C9orf85: variants seen among roughly 807,000 people sequenced by gnomAD.
C9orf85 encodes uncharacterized protein C9orf85.
In C9orf85, 16 loss-of-function variants were observed where a neutral mutation model predicts 14.9. That is an observed-to-expected ratio of 1.08 (90% CI 0.73 to 1.63). C9orf85 has a LOEUF of 1.63. Among genes scored for constraint, C9orf85 ranks in the 40% most tolerant of loss-of-function variants. The pLI is 0.00. For missense variants in C9orf85, 172 were observed against 186.1 expected, an observed-to-expected ratio of 0.92 and a Z score of 0.44; for synonymous variants, 45 against 56.8, an observed-to-expected ratio of 0.79 and a Z score of 0.93.
chr9:71,977,603 T>A (rs1823029166), downstream of C9orf85, among the ~76,000 whole-genome samples: 1 of 152,224 alleles, frequency 6.6e-6, no homozygotes, highest in Non-Finnish European at 1.5e-5. Context: ...TCCATGATCC[T>A]AAACTTTTTT....
downstream of C9orf85, among the ~76,000 whole-genome samples, chr9:71,975,590 T>C (rs1822984653): frequency 6.6e-6 from 1 of 152,232 alleles, no homozygotes; most frequent in Non-Finnish European, 1.5e-5. Flanking sequence ...CCTAGCACTT[T>C]TGGAGGCCAA....
chr9:71,944,134 C>T lies in C9orf85; in HGVS notation c.103-2872C>T, dbSNP rs560090454. Among the ~76,000 whole-genome samples, 5 of 150,882 alleles carry T rather than the reference C, an allele frequency of 3.3e-5. No individual in the cohort carries two copies. The South Asian group carries it at 8.4e-4, about 25-fold the overall frequency. ...CTGTAATCCCAGCTGCTCAGGAGGC[C>T]GAGACAGGAGGATTGCATGAACCCA... On this transcript the variant is annotated intron_variant, in intron 1 of 3. Coordinates refer to ENST00000334731, the MANE Select transcript of C9orf85 (RefSeq NM_182505.5).
intron 2 of C9orf85, among the ~76,000 whole-genome samples, chr9:71,955,399 ACT>A (rs1564094883): frequency 6.6e-6 from 1 of 151,890 alleles, no homozygotes; most frequent in Non-Finnish European, 1.5e-5. Context: ...TTTCAGAGCA[ACT>A]CTCAGGGCTG....
chr9:71,973,893 G>T (rs149222761), downstream of C9orf85, among the ~76,000 whole-genome samples: 1 of 140,422 alleles, frequency 7.1e-6, no homozygotes, highest in Non-Finnish European at 1.6e-5. Flanking sequence ...TTTTTATTAC[G>T]TTTCTTATTT....
At chr9:71,932,799 G>T (rs1014190269) in intron 1 of C9orf85, among the ~76,000 whole-genome samples, 1 of 152,154 alleles carries the variant, frequency 6.6e-6, no homozygotes, top group East Asian at 1.9e-4. Flanking sequence ...TGAAAAAGAA[G>T]TGATGGTGGA....
chr9:71,981,846 T>G (rs2132379558), intron 3 of C9orf85, among the ~76,000 whole-genome samples: 1 of 152,360 alleles, frequency 6.6e-6, no homozygotes, highest in East Asian at 1.9e-4. Flanking sequence ...AGTTAAATTG[T>G]ATGAAAGCTT....
intron 1 of C9orf85, among the ~76,000 whole-genome samples, chr9:71,931,812 A>G (rs142067653): frequency 6.6e-6 from 1 of 152,226 alleles, no homozygotes; most frequent in East Asian, 1.9e-4. Flanking sequence ...TTAAACTATA[A>G]GAATCATAAC....
intron 2 of C9orf85, among the ~76,000 whole-genome samples, chr9:71,963,570 C>T (rs1025594183): frequency 6.6e-6 from 1 of 152,182 alleles, no homozygotes; most frequent in African/African-American, 2.4e-5. Flanking sequence ...CCGGGCTGCG[C>T]GAGGCGCTTG....
chr9:71,964,113 A>G (rs1822612885), intron 2 of C9orf85, among the ~76,000 whole-genome samples: 1 of 152,084 alleles, frequency 6.6e-6, no homozygotes, highest in Non-Finnish European at 1.5e-5. Context: ...TCGACACTGT[A>G]TCTAGCTACT....
At chr9:71,919,763 C>T (rs537969268) in intron 1 of C9orf85, among the ~76,000 whole-genome samples, 173 of 152,176 alleles carry the variant, frequency 1.1e-3, no homozygotes, top group African/African-American at 3.9e-3. Context: ...TTTCACACAG[C>T]ATAATTTCAT....
At chr9:71,955,347 A>T (rs1051106148) in intron 2 of C9orf85, among the ~76,000 whole-genome samples, 10 of 152,176 alleles carry the variant, frequency 6.6e-5, no homozygotes, top group Admixed American at 1.3e-4. Flanking sequence ...AGTTTAATTG[A>T]GCAAAGAATG....
chr9:71,932,249 G>A (rs1479622614), intron 1 of C9orf85, among the ~76,000 whole-genome samples: 1 of 151,770 alleles, frequency 6.6e-6, no homozygotes, highest in African/African-American at 2.4e-5. Context: ...GTTTGCCTTG[G>A]GAAATGGTCG....
rs142382508 is a variant in C9orf85, at chr9:71,917,821, T to C, written c.102+5985T>C. On this transcript the variant is annotated intron_variant, in intron 1 of 3. Transcript: ENST00000334731. ...ATATTAAAACTCATTAAATTGTACG[T>C]TTAAGGCCTATGCATGACATTGATA... is the stretch of plus-strand genomic sequence containing the variant. Among the ~76,000 whole-genome samples, 920 of 152,260 alleles carry C rather than the reference T, an allele frequency of 6.0e-3. 8 individuals carry two copies. The highest frequency in any genetic ancestry group is 0.021 in the African/African-American group (887 of 41,534).
chr9:71,975,150 A>G (rs1393599383), downstream of C9orf85, among the ~76,000 whole-genome samples: 1 of 152,230 alleles, frequency 6.6e-6, no homozygotes, highest in Non-Finnish European at 1.5e-5. Context: ...TCTTATCAAG[A>G]CATTAAAGAA....
chr9:71,925,975 T>C (rs1184704038), intron 1 of C9orf85, among the ~76,000 whole-genome samples: 1 of 152,160 alleles, frequency 6.6e-6, no homozygotes, highest in Non-Finnish European at 1.5e-5. Context: ...GGAAATGCCA[T>C]GAAAGAGAAA....
chr9:71,978,192 C>T (rs909576732), downstream of C9orf85, among the ~76,000 whole-genome samples: 2 of 152,232 alleles, frequency 1.3e-5, no homozygotes, highest in Non-Finnish European at 2.9e-5. Context: ...TCACTGAAAT[C>T]TCTGCCTCCC....
chr9:71,978,654 G>A lies in C9orf85; in HGVS notation c.324-4003G>A, dbSNP rs796661781. On this transcript the variant is annotated intron_variant, in intron 3 of 3. Transcript: ENST00000377031. ...GTATTGACTGGGAATGTGTATAAGA[G>A]GGGAACTTCTGGAATGCTGGAATCA... Among the ~76,000 whole-genome samples, 6 of 152,222 alleles carry A rather than the reference G, an allele frequency of 3.9e-5. 1 individual carries two copies. The highest frequency in any genetic ancestry group is 1.4e-4 in the African/African-American group (6 of 41,540).
intron 1 of C9orf85, among the ~76,000 whole-genome samples, chr9:71,915,138 C>T (rs1343589364): frequency 6.6e-6 from 1 of 151,872 alleles, no homozygotes; most frequent in Non-Finnish European, 1.5e-5. Flanking sequence ...GTCTTACTTT[C>T]CTCTGAGGAT....
chr9:71,915,702 C>CA (rs1564080675), intron 1 of C9orf85, among the ~76,000 whole-genome samples: 2 of 152,146 alleles, frequency 1.3e-5, no homozygotes, highest in Non-Finnish European at 2.9e-5. Context: ...ACTGTTAACA[C>CA]TTTGATGTGT....
Sources: gnomAD v4.1 joint callset for allele counts (sites outside exome capture counted in the v4.1 genomes callset) on GRCh38, gnomAD v4.1.1 for gene constraint, MANE v1.5 for transcripts, NCBI Gene and HGNC (gene_info 2026-07-23, HGNC 2026-07-21) for gene names.